Variants in PITPNC1 observed in about 807,000 individuals in gnomAD.
PITPNC1 encodes the protein phosphatidylinositol transfer protein cytoplasmic 1.
PITPNC1 carries 18 observed loss-of-function variants against 44.7 expected under a neutral mutation model. The ratio of observed to expected loss-of-function variants is 0.40; its 90% CI spans 0.28 to 0.60. The LOEUF (loss-of-function observed/expected upper bound fraction) is 0.60, where lower values mean the gene tolerates loss of function less well. Ranked by LOEUF, PITPNC1 falls within the 20% of genes least tolerant of loss-of-function variation. The probability of loss-of-function intolerance (pLI) is 0.39; values close to 1 mark genes in which losing one functional copy is unlikely to be tolerated. For synonymous variants in PITPNC1, 141 were observed against 149.6 expected, an observed-to-expected ratio of 0.94 and a Z score of 0.42; for missense variants, 290 against 418.4, an observed-to-expected ratio of 0.69 and a Z score of 2.68.
intron 1 of PITPNC1, among the ~76,000 whole-genome samples, chr17:67,440,569 T>C (rs1230770209): frequency 2.0e-5 from 3 of 151,578 alleles, no homozygotes; most frequent in Non-Finnish European, 4.4e-5. Flanking sequence ...TCTCACTCCA[T>C]TGCCCAGGCT....
At chr17:67,652,627 C>G (rs986044625) in intron 6 of PITPNC1, among the ~76,000 whole-genome samples, 2 of 152,212 alleles carry the variant, frequency 1.3e-5, no homozygotes, top group Non-Finnish European at 2.9e-5. Context: ...GAACTTGCAG[C>G]CCCACGCGTT....
chr17:67,497,542 T>TTTTC (rs1251741916), intron 1 of PITPNC1, among the ~76,000 whole-genome samples: 1 of 145,944 alleles, frequency 6.9e-6, no homozygotes, highest in African/African-American at 2.5e-5. Context: ...TTTTTTTTTT[T>TTTTC]TTTTTTTGAG....
Position 67,377,998 on chromosome 17 carries a change from G to C in PITPNC1, c.-157G>C, listed in dbSNP as rs1011709912. ...ACCCTGACATGCTCTGGGGCGGAGA[G>C]GAGGAAGCCAGGAGCTGAGCGCGCC... On this transcript the variant is annotated 5_prime_UTR_variant, in exon 1 of 9. Transcript: ENST00000581322. 1 of 453,158 alleles carries C rather than the reference G, an allele frequency of 2.2e-6. No homozygotes were observed. Among genetic ancestry groups the C allele is most frequent in the African/African-American group, 2.1e-5 (1 of 48,160 alleles). The allele number at this position is 453,158 out of a possible 1,614,324, so 28.1% of individuals were successfully genotyped here.
intron 1 of PITPNC1, among the ~76,000 whole-genome samples, chr17:67,381,692 T>G (rs1339803766): frequency 6.6e-6 from 1 of 150,898 alleles, no homozygotes; most frequent in Non-Finnish European, 1.5e-5. Context: ...GGTCTCAATC[T>G]CCTGACCTCG....
At chr17:67,489,904 C>T (rs1466964303) in intron 1 of PITPNC1, among the ~76,000 whole-genome samples, 4 of 151,998 alleles carry the variant, frequency 2.6e-5, no homozygotes, top group Non-Finnish European at 4.4e-5. Context: ...CCACCACGCC[C>T]GGCTAATTTT....
rs367626285 is a variant in PITPNC1 at position 67,402,011 on chromosome 17, C to T, written c.48+23809C>T. On this transcript the variant is annotated intron_variant, in intron 1 of 8. Transcript: ENST00000581322. ...TTATTGCCCTTTAGAAAATATTGAACGCAATGCGTTACAGCAGAGGTCAAC... is the reference window on the plus strand; with the variant it reads ...TTATTGCCCTTTAGAAAATATTGAATGCAATGCGTTACAGCAGAGGTCAAC... 1.2e-3 allele frequency among the ~76,000 whole-genome samples: 178 copies of T among 152,248 alleles called. 4 individuals carry two copies. In the South Asian group the frequency reaches 0.035, roughly 30 times the overall value.
At chr17:67,628,823 C>T (rs1050569744) in intron 5 of PITPNC1, among the ~76,000 whole-genome samples, 16 of 152,202 alleles carry the variant, frequency 1.1e-4, no homozygotes, top group Non-Finnish European at 1.9e-4. Context: ...GCACTCCAGG[C>T]TTGCAGCTGG....
At chr17:67,388,298 T>G (rs915157161) in intron 1 of PITPNC1, among the ~76,000 whole-genome samples, 1 of 151,782 alleles carries the variant, frequency 6.6e-6, no homozygotes, top group African/African-American at 2.4e-5. Flanking sequence ...CGGAGGAGTA[T>G]GTATATTAGT....
chr17:67,519,505 A>G lies in PITPNC1; in HGVS notation c.49-13297A>G, dbSNP rs2040299899. ...AGATAGATTTTTTTTAAATGTAGCA[A>G]TTTCTGGAAATATACCAAACTTACT... On this transcript the variant is annotated intron_variant, in intron 1 of 8. Transcript: ENST00000581322. Among the ~76,000 whole-genome samples, 3 of 152,124 alleles carry G rather than the reference A, an allele frequency of 2.0e-5. No individual in the cohort carries two copies. In the South Asian group the frequency reaches 6.2e-4, roughly 32 times the overall value.
chr17:67,417,557 G>T (rs2038606852), intron 1 of PITPNC1, among the ~76,000 whole-genome samples: 1 of 152,132 alleles, frequency 6.6e-6, no homozygotes, highest in African/African-American at 2.4e-5. Flanking sequence ...TTGTCCTTCA[G>T]ATCTGTAGTG....
chr17:67,425,186 T>TGCGCGCGC lies in PITPNC1; in HGVS notation c.48+46985_48+46992dup, dbSNP rs1386197600. Among the ~76,000 whole-genome samples the TGCGCGCGC allele has an allele frequency of 8.0e-3, 444 of 55,640 alleles. 27 individuals are homozygous for TGCGCGCGC. Among genetic ancestry groups the TGCGCGCGC allele is most frequent in the East Asian group, 0.016 (30 of 1,918 alleles). 36.5% of individuals were successfully genotyped at this position (55,640 alleles called of 152,430 possible). A position where few individuals can be genotyped will look rare whatever the true frequency, so the allele number is the denominator to read the frequency against. On this transcript the variant is annotated intron_variant, in intron 1 of 8. Transcript: ENST00000581322. ...CCAGGTGAAATAAACAGCCATGTTG[T>TGCGCGCGC]GCGCGCGCACGCACACGCACACACA...
intron 1 of PITPNC1, among the ~76,000 whole-genome samples, chr17:67,449,644 T>C (rs2143944883): frequency 6.6e-6 from 1 of 152,368 alleles, no homozygotes; most frequent in Non-Finnish European, 1.5e-5. Flanking sequence ...CGTTAGAATC[T>C]AGACATCTCG....
chr17:67,480,154 T>A (rs963219842), intron 1 of PITPNC1, among the ~76,000 whole-genome samples: 4 of 152,192 alleles, frequency 2.6e-5, no homozygotes, highest in Non-Finnish European at 5.9e-5. Flanking sequence ...AGGGAGTCAT[T>A]GACCCATCCT....
At chr17:67,436,359 G>T (rs1368563537) in intron 1 of PITPNC1, among the ~76,000 whole-genome samples, 1 of 152,088 alleles carries the variant, frequency 6.6e-6, no homozygotes, top group Non-Finnish European at 1.5e-5. Flanking sequence ...TTTGACGTTT[G>T]AACAATGGTC....
At chr17:67,682,807 T>G (rs896660966) in intron 8 of PITPNC1, among the ~76,000 whole-genome samples, 3 of 152,198 alleles carry the variant, frequency 2.0e-5, no homozygotes, top group African/African-American at 7.2e-5. Flanking sequence ...TCACAATCTA[T>G]AAGTGAAGGG....
intron 1 of PITPNC1, among the ~76,000 whole-genome samples, chr17:67,382,494 A>G (rs1055099221): frequency 6.6e-6 from 1 of 152,206 alleles, no homozygotes; most frequent in African/African-American, 2.4e-5. Flanking sequence ...TCTGAACTCA[A>G]TATAAGCCTG....
chr17:67,570,138 C>T (rs947006864), intron 4 of PITPNC1, among the ~76,000 whole-genome samples: 6 of 152,066 alleles, frequency 3.9e-5, no homozygotes, highest in African/African-American at 1.4e-4. Context: ...TTGGTTTTGG[C>T]GATTGGGTTG....
chr17:67,491,236 G>A (rs2039860747), intron 1 of PITPNC1, among the ~76,000 whole-genome samples: 1 of 152,244 alleles, frequency 6.6e-6, no homozygotes, highest in Non-Finnish European at 1.5e-5. Context: ...CACTGCAGCT[G>A]GTGCACTTGA....
intron 1 of PITPNC1, among the ~76,000 whole-genome samples, chr17:67,401,858 A>AT (rs2038319379): frequency 6.6e-6 from 1 of 150,428 alleles, no homozygotes; most frequent in Non-Finnish European, 1.5e-5. Context: ...AAAAAAAAAA[A>AT]GAAAAGAAAA....
Sources: gnomAD v4.1 joint callset for allele counts (sites outside exome capture counted in the v4.1 genomes callset) on GRCh38, gnomAD v4.1.1 for gene constraint, MANE v1.5 for transcripts, NCBI Gene and HGNC (gene_info 2026-07-23, HGNC 2026-07-21) for gene names.